The following ADAMTS19 variants were observed in gnomAD, a reference collection of about 807,000 sequenced individuals.
The protein encoded by ADAMTS19 is A disintegrin and metalloproteinase with thrombospondin motifs 19.
ADAMTS19 carries 93 observed loss-of-function variants against 153.3 expected under a neutral mutation model. The observed-to-expected ratio is 0.61, with a 90% CI of 0.51 to 0.72. The LOEUF (loss-of-function observed/expected upper bound fraction) is 0.72, where lower values mean the gene tolerates loss of function less well. ADAMTS19 is among the 30% of genes least tolerant of loss of function. The pLI is 0.00. For missense variants in ADAMTS19, 1,482 were observed against 1,552.1 expected (o/e 0.95, Z 0.76); for synonymous variants, 600 against 556.6 (o/e 1.08, Z -1.10).
chr5:129,691,162 T>C (rs900452386), intron 18 of ADAMTS19, among the ~76,000 whole-genome samples: 16 of 152,214 alleles, frequency 1.1e-4, no homozygotes, highest in Non-Finnish European at 1.5e-4. Flanking sequence ...TGTCTAGTCT[T>C]TGTTAAATTT....
intron 2 of ADAMTS19, among the ~76,000 whole-genome samples, chr5:129,485,238 C>A (rs1018609927): frequency 1.3e-5 from 2 of 151,924 alleles, no homozygotes; most frequent in East Asian, 3.9e-4. Context: ...TAAAACAATG[C>A]GCTACTAAAT....
chr5:129,602,147 C>T (rs1750680942), intron 8 of ADAMTS19, among the ~76,000 whole-genome samples: 1 of 152,222 alleles, frequency 6.6e-6, no homozygotes, highest in Non-Finnish European at 1.5e-5. Context: ...GGCTGGAGTG[C>T]AATGGCACGA....
chr5:129,581,745 T>C (rs1749526289), intron 7 of ADAMTS19, among the ~76,000 whole-genome samples: 1 of 152,208 alleles, frequency 6.6e-6, no homozygotes, highest in African/African-American at 2.4e-5. Flanking sequence ...CATTTAGCGC[T>C]ATAAATTTCC....
chr5:129,501,734 G>A (rs796354600), intron 2 of ADAMTS19, among the ~76,000 whole-genome samples: 7 of 151,964 alleles, frequency 4.6e-5, no homozygotes, highest in East Asian at 1.9e-4. Context: ...TGAAATTAGC[G>A]TGTGTCCAAG....
At chr5:129,717,881 G>A (rs910897854) in intron 21 of ADAMTS19, among the ~76,000 whole-genome samples, 1 of 152,170 alleles carries the variant, frequency 6.6e-6, no homozygotes, top group Admixed American at 6.5e-5. Context: ...GCCACAGAGG[G>A]ATCTGATCCA....
chr5:129,604,392 G>A (rs533638422), intron 8 of ADAMTS19, among the ~76,000 whole-genome samples: 33 of 152,174 alleles, frequency 2.2e-4, no homozygotes, highest in African/African-American at 7.7e-4. Context: ...TCTAAAGAAA[G>A]CATTCTCTAT....
chr5:129,737,019 C>T, intron 22 of ADAMTS19, 48 bp from the exon 23 acceptor site: 1 of 1,485,422 alleles, frequency 6.7e-7, no homozygotes, highest in Non-Finnish European at 9.1e-7. Flanking sequence ...TTTTTACTGA[C>T]ATATATGATA....
At chr5:129,650,224 G>A (rs1753257573) in intron 13 of ADAMTS19, among the ~76,000 whole-genome samples, 1 of 152,130 alleles carries the variant, frequency 6.6e-6, no homozygotes. Context: ...GTGGGTGTGG[G>A]CTGAGTTGCA....
chr5:129,654,226 G>A (rs1173625195), intron 13 of ADAMTS19, 80 bp from the exon 14 acceptor site: 2 of 1,340,230 alleles, frequency 1.5e-6, no homozygotes, highest in Non-Finnish European at 1.0e-6. Flanking sequence ...ACTCAATAAC[G>A]ATTCTTAAAA....
chr5:129,605,854 T>C (rs1422793114), intron 8 of ADAMTS19, among the ~76,000 whole-genome samples: 1 of 152,162 alleles, frequency 6.6e-6, no homozygotes, highest in Non-Finnish European at 1.5e-5. Flanking sequence ...GTCTACTTCC[T>C]AGAGATGTTG....
In ADAMTS19 at chr5:129,647,751, A is replaced by G. The variant is rs549932543; in HGVS notation, c.1873-14A>G. 6.2e-7 allele frequency: 1 copy of G among 1,612,674 alleles called. No homozygotes were observed. Among genetic ancestry groups the G allele is most frequent in the East Asian group, 2.2e-5 (1 of 44,872 alleles). Reference sequence around the variant, plus strand: ...GCCCTGATTTGTTCACCTAAGACATAACTTTTGGAATAGTGGTGTAAGGCT... The same window carrying G: ...GCCCTGATTTGTTCACCTAAGACATGACTTTTGGAATAGTGGTGTAAGGCT... On this transcript the variant is annotated splice_polypyrimidine_tract_variant and intron_variant, in intron 11 of 22. Coordinates refer to ENST00000274487, the MANE Select transcript of ADAMTS19 (RefSeq NM_133638.6).
chr5:129,689,869 TA>T (rs1280053656), intron 18 of ADAMTS19, among the ~76,000 whole-genome samples: 1 of 152,242 alleles, frequency 6.6e-6, no homozygotes, highest in Admixed American at 6.5e-5. Flanking sequence ...CATTTATTAA[TA>T]AAAACATCTT....
chr5:129,537,318 A>G (rs1446000740), intron 6 of ADAMTS19, among the ~76,000 whole-genome samples: 1 of 152,164 alleles, frequency 6.6e-6, no homozygotes, highest in Non-Finnish European at 1.5e-5. Context: ...ACATGTTTAC[A>G]TTGTTGGTGG....
chr5:129,624,858 G>GT (rs1177966451), intron 10 of ADAMTS19, among the ~76,000 whole-genome samples: 1 of 151,336 alleles, frequency 6.6e-6, no homozygotes, highest in Non-Finnish European at 1.5e-5. Context: ...TATTATACTT[G>GT]AAGTTCTAGG....
chr5:129,679,878 A>G lies in ADAMTS19; in HGVS notation c.2621A>G (p.Lys874Arg). Residue 874 changes from lysine to arginine, a missense_variant, in exon 17 of 23, where the codon AAG (lysine) becomes AGG (arginine). By Grantham distance (26) the Lys-to-Arg change is conservative (BLOSUM62 2). This residue lies in a region of ADAMTS19 where 616 missense variants were observed against 724.4 expected (regional missense o/e 0.85). Coordinates refer to ENST00000274487, the MANE Select transcript of ADAMTS19 (RefSeq NM_133638.6). Reference sequence around the variant, plus strand: ...TATGTAAGACGAGGCCTCTGGGAGAAGATCTCTGCCAAAGGTCCTACTACA... The same window carrying G: ...TATGTAAGACGAGGCCTCTGGGAGAGGATCTCTGCCAAAGGTCCTACTACA... ...VHYVRRGLWE[K>R]ISAKGPTTAP... The G allele has an allele frequency of 6.2e-7, 1 of 1,614,100 alleles. No homozygotes were observed. Among genetic ancestry groups the G allele is most frequent in the East Asian group, 2.2e-5 (1 of 44,844 alleles).
intron 7 of ADAMTS19, among the ~76,000 whole-genome samples, chr5:129,576,331 C>G (rs1029345591): frequency 5.9e-5 from 9 of 151,796 alleles, no homozygotes; most frequent in African/African-American, 2.2e-4. Context: ...TAAAAGCTTG[C>G]CAAAGATGTA....
chr5:129,482,571 A>G (rs558059582), intron 2 of ADAMTS19, among the ~76,000 whole-genome samples: 2 of 152,340 alleles, frequency 1.3e-5, no homozygotes, highest in East Asian at 1.9e-4. Context: ...TTTAAAATCA[A>G]TTATCTAAAT....
At chr5:129,489,689 T>C (rs2126687023) in intron 2 of ADAMTS19, among the ~76,000 whole-genome samples, 1 of 152,234 alleles carries the variant, frequency 6.6e-6, no homozygotes, top group Admixed American at 6.5e-5. Context: ...AGCAAAAAAG[T>C]TTACTTTTGG....
chr5:129,715,683 G>A (rs12658173), intron 21 of ADAMTS19, among the ~76,000 whole-genome samples: 17,002 of 152,192 alleles, frequency 0.11, 1,346 homozygotes, highest in East Asian at 0.31. Flanking sequence ...TGTATGGCTG[G>A]TGGTTTGTGA....
Sources: allele counts gnomAD v4.1 joint callset (sites outside exome capture counted in the v4.1 genomes callset), GRCh38; gene constraint gnomAD v4.1.1; regional missense constraint gnomAD v4.1.1; transcripts MANE v1.5; gene names NCBI Gene and HGNC (gene_info 2026-07-23, HGNC 2026-07-21).